Variants in GALNTL6 observed in about 807,000 individuals in gnomAD.
GALNTL6 encodes polypeptide N-acetylgalactosaminyltransferase like 6.
GALNTL6 carries 46 observed loss-of-function variants against 73.7 expected under a neutral mutation model. The observed-to-expected ratio is 0.62, with a 90% CI of 0.49 to 0.80. GALNTL6 has a LOEUF of 0.80. Ranked by LOEUF, GALNTL6 falls within the 30% of genes least tolerant of loss-of-function variation. GALNTL6 has a pLI of 0.00. For synonymous variants in GALNTL6, 259 were observed against 263.7 expected (o/e 0.98, Z 0.17); for missense variants, 604 against 755.0 (o/e 0.80, Z 2.34).
At chr4:172,348,288 A>C (rs1344107955) in intron 4 of GALNTL6, among the ~76,000 whole-genome samples, 1 of 152,212 alleles carries the variant, frequency 6.6e-6, no homozygotes, top group African/African-American at 2.4e-5. Flanking sequence ...GACAAATTTG[A>C]AACCCTGATA....
intron 5 of GALNTL6, among the ~76,000 whole-genome samples, chr4:172,462,621 C>T (rs1732659184): frequency 6.6e-6 from 1 of 152,124 alleles, no homozygotes. Flanking sequence ...TTTAAAACAA[C>T]ATAATATTTA....
chr4:172,272,456 C>A (rs1028995575), intron 3 of GALNTL6, among the ~76,000 whole-genome samples: 2 of 152,134 alleles, frequency 1.3e-5, no homozygotes, highest in Non-Finnish European at 2.9e-5. Context: ...AGGTTACAAA[C>A]CTATACAGAA....
intron 2 of GALNTL6, among the ~76,000 whole-genome samples, chr4:171,965,717 T>TAA (rs1739366662): frequency 6.7e-6 from 1 of 148,322 alleles, no homozygotes; most frequent in Non-Finnish European, 1.5e-5. Flanking sequence ...ATTACACCTA[T>TAA]AAAAAGCTAG....
Position 172,956,426 on chromosome 4 carries a change from A to G in GALNTL6, c.1371+4168A>G, listed in dbSNP as rs534561754. 3.9e-5 allele frequency among the ~76,000 whole-genome samples: 6 copies of G among 152,338 alleles called. No homozygotes were observed. In the South Asian group the frequency reaches 1.2e-3, roughly 32 times the overall value. ...AGGACATCTAATTAGAGAGTGCCTA[A>G]GGAGATTCAGCATAGCCCTGCCAGC... On this transcript the variant is annotated intron_variant, in intron 10 of 12. Coordinates refer to ENST00000506823, the MANE Select transcript of GALNTL6 (RefSeq NM_001034845.3).
chr4:172,150,977 T>C (rs1391794480), intron 2 of GALNTL6, among the ~76,000 whole-genome samples: 1 of 152,198 alleles, frequency 6.6e-6, no homozygotes, highest in African/African-American at 2.4e-5. Context: ...CTCAATCTAC[T>C]ATTTGGCATA....
intron 2 of GALNTL6, among the ~76,000 whole-genome samples, chr4:172,182,983 T>G (rs1282674288): frequency 1.3e-5 from 2 of 152,196 alleles, no homozygotes; most frequent in East Asian, 3.8e-4. Context: ...TTTCCAAGAA[T>G]TCACACTAGA....
intron 5 of GALNTL6, among the ~76,000 whole-genome samples, chr4:172,604,327 A>C (rs1738180322): frequency 6.6e-6 from 1 of 152,266 alleles, no homozygotes; most frequent in South Asian, 2.1e-4. Context: ...TGACAAAATG[A>C]ATTTTTTTAA....
At chr4:172,309,191 T>G (rs565004708) in intron 3 of GALNTL6, among the ~76,000 whole-genome samples, 1 of 152,266 alleles carries the variant, frequency 6.6e-6, no homozygotes, top group Non-Finnish European at 1.5e-5. Flanking sequence ...ATATAATTTC[T>G]TATCAATCCC....
intron 5 of GALNTL6, among the ~76,000 whole-genome samples, chr4:172,807,915 C>T (rs1459990721): frequency 6.6e-6 from 1 of 152,128 alleles, no homozygotes; most frequent in South Asian, 2.1e-4. Context: ...CTCCACCTCC[C>T]GGGTTCAATC....
intron 5 of GALNTL6, among the ~76,000 whole-genome samples, chr4:172,576,797 G>A (rs1304892135): frequency 1.3e-5 from 2 of 152,106 alleles, no homozygotes; most frequent in African/African-American, 4.8e-5. Flanking sequence ...TAGATTCTGA[G>A]GACAAGTTCA....
At chr4:171,925,303 A>G (rs1211845488) in intron 2 of GALNTL6, among the ~76,000 whole-genome samples, 2 of 152,142 alleles carry the variant, frequency 1.3e-5, no homozygotes, top group African/African-American at 4.8e-5. Flanking sequence ...CGATTAAAAT[A>G]TGAAAAGGGA....
At chr4:172,182,169 A>G (rs1341352921) in intron 2 of GALNTL6, among the ~76,000 whole-genome samples, 1 of 152,230 alleles carries the variant, frequency 6.6e-6, no homozygotes, top group Admixed American at 6.5e-5. Context: ...ATTTCTACAA[A>G]GGGAATAAAA....
intron 5 of GALNTL6, among the ~76,000 whole-genome samples, chr4:172,756,144 A>G (rs1737737297): frequency 6.6e-6 from 1 of 152,242 alleles, no homozygotes; most frequent in Non-Finnish European, 1.5e-5. Context: ...GTAAGTTATT[A>G]TAGCCAACTA....
chr4:172,630,023 A>G (rs1739326931), intron 5 of GALNTL6, among the ~76,000 whole-genome samples: 1 of 152,232 alleles, frequency 6.6e-6, no homozygotes, highest in Non-Finnish European at 1.5e-5. Context: ...TAGAGAATTC[A>G]GTGTTCAGGA....
intron 2 of GALNTL6, among the ~76,000 whole-genome samples, chr4:172,081,683 G>T (rs1731883870): frequency 6.6e-6 from 1 of 152,134 alleles, no homozygotes. Flanking sequence ...CTGTGATAAA[G>T]GTGTTGCTAA....
At chr4:172,898,560 A>G (rs2653823) in intron 8 of GALNTL6, among the ~76,000 whole-genome samples, 1 of 152,072 alleles carries the variant, frequency 6.6e-6, no homozygotes, top group African/African-American at 2.4e-5. Context: ...CCATACAGAA[A>G]TCTCTTAAGT....
At chr4:173,020,766 C>T (rs912157174) in intron 11 of GALNTL6, among the ~76,000 whole-genome samples, 4 of 152,092 alleles carry the variant, frequency 2.6e-5, no homozygotes, top group Non-Finnish European at 4.4e-5. Flanking sequence ...AAATAAAGAC[C>T]GTAGAGTGTT....
chr4:171,975,425 T>C (rs1025010655), intron 2 of GALNTL6, among the ~76,000 whole-genome samples: 15 of 152,190 alleles, frequency 9.9e-5, no homozygotes, highest in African/African-American at 3.6e-4. Flanking sequence ...AAAGTAGGTA[T>C]CCTTTTCTTT....
intron 2 of GALNTL6, among the ~76,000 whole-genome samples, chr4:171,828,651 C>G (rs958139003): frequency 2.0e-5 from 3 of 152,032 alleles, no homozygotes; most frequent in Non-Finnish European, 2.9e-5. Context: ...ATGGAGTCTC[C>G]CTCCATCGCC....
Sources: gnomAD v4.1 joint callset for allele counts (sites outside exome capture counted in the v4.1 genomes callset) on GRCh38, gnomAD v4.1.1 for gene constraint, MANE v1.5 for transcripts, NCBI Gene and HGNC (gene_info 2026-07-23, HGNC 2026-07-21) for gene names.